Variants in STON2 observed in about 807,000 individuals in gnomAD.
STON2 encodes stonin 2.
A neutral mutation model predicts 65.7 loss-of-function variants in STON2; 29 were observed. That is an observed-to-expected ratio of 0.44 (90% CI 0.33 to 0.60). STON2 has a LOEUF of 0.60. Among genes scored for constraint, STON2 ranks in the 20% least tolerant of loss-of-function variants. The pLI, the probability that STON2 is intolerant of heterozygous loss-of-function variation, is 0.03. For missense variants in STON2, 1,054 were observed against 1,118.1 expected, an observed-to-expected ratio of 0.94 and a Z score of 0.82; for synonymous variants, 404 against 414.2, an observed-to-expected ratio of 0.98 and a Z score of 0.30.
intron 2 of STON2, among the ~76,000 whole-genome samples, chr14:81,419,506 T>G (rs938892932): frequency 6.6e-6 from 1 of 152,192 alleles, no homozygotes; most frequent in African/African-American, 2.4e-5. Flanking sequence ...GTTCACAGGT[T>G]CTAAATGATG....
At chr14:81,364,387 C>T (rs889598611) in intron 4 of STON2, among the ~76,000 whole-genome samples, 7 of 152,100 alleles carry the variant, frequency 4.6e-5, no homozygotes, top group African/African-American at 1.7e-4. Flanking sequence ...CAAAGTAAGG[C>T]TAACTTTATA....
chr14:81,348,802 G>A (rs1043619390), intron 4 of STON2, among the ~76,000 whole-genome samples: 1 of 152,060 alleles, frequency 6.6e-6, no homozygotes, highest in Non-Finnish European at 1.5e-5. Context: ...GTGATACTGA[G>A]CAAAAAGAAC....
chr14:81,426,170 A>T (rs1225694342), intron 2 of STON2, among the ~76,000 whole-genome samples: 1 of 152,258 alleles, frequency 6.6e-6, no homozygotes, highest in East Asian at 1.9e-4. Flanking sequence ...GAGACTAAGT[A>T]ACTTGCCCAA....
rs549369998 is a variant in STON2, at chr14:81,264,823, G to A, written c.*3591C>T. The A allele has an allele frequency of 2.9e-5, 29 of 985,394 alleles. No individual in the cohort carries two copies. The highest frequency in any genetic ancestry group is 1.1e-4 in the East Asian group (1 of 8,814). 61.0% of individuals were successfully genotyped at this position (985,394 alleles called of 1,614,324 possible). ...ATAAGGAATAACTAGTACTATGTCTGCAAGAGCAGGCAAGGGGGATCATCT... is the reference window on the plus strand; with the variant it reads ...ATAAGGAATAACTAGTACTATGTCTACAAGAGCAGGCAAGGGGGATCATCT... On this transcript the variant is annotated 3_prime_UTR_variant, in exon 8 of 8. Transcript: ENST00000614646.
At chr14:81,311,608 G>A (rs924145931) in intron 5 of STON2, among the ~76,000 whole-genome samples, 5 of 152,190 alleles carry the variant, frequency 3.3e-5, no homozygotes, top group African/African-American at 4.8e-5. Context: ...AGGCACAAGG[G>A]TTAAATAACA....
rs1274840420 is a variant in STON2 at position 81,413,031 on chromosome 14, C to T, written c.-199+14071G>A. 10 of 1,000,382 alleles carry T rather than the reference C, an allele frequency of 1.0e-5. 2 individuals are homozygous for T. The highest frequency in any genetic ancestry group is 7.7e-5 in the African/African-American group (4 of 52,142). 62.0% of individuals were successfully genotyped at this position (1,000,382 alleles called of 1,614,324 possible). ...ATGTCGGAAGAGACGCAGCAGAACT[C>T]GGTGGAGTGCGCTCCTCAGGCGCTG... On this transcript the variant is annotated intron_variant, in intron 2 of 8. Transcript: ENST00000553821.
rs188354187 is a variant in STON2, at chr14:81,349,418, T to C, written c.571+21570A>G. Among the ~76,000 whole-genome samples the C allele has an allele frequency of 4.0e-3, 613 of 152,108 alleles. 4 individuals carry two copies. Among genetic ancestry groups the C allele is most frequent in the South Asian group, 7.5e-3 (36 of 4,824 alleles). On this transcript the variant is annotated intron_variant, in intron 4 of 7. Coordinates refer to ENST00000614646, the MANE Select transcript of STON2 (RefSeq NM_001394390.1). The stretch of plus-strand genomic sequence containing the variant: ...GAAAACCAAATTTCCCATTAAAAAG[T>C]GGGCAAAGGATCAAACAGACACTTG...
intron 1 of STON2, among the ~76,000 whole-genome samples, chr14:81,431,674 A>G (rs578116470): frequency 6.6e-6 from 1 of 152,052 alleles, no homozygotes; most frequent in South Asian, 2.1e-4. Context: ...GCTACTAGGG[A>G]GGCTGAGGCA....
intron 7 of STON2, chr14:81,269,876 T>TA (rs1347890573): frequency 2.0e-6 from 2 of 985,292 alleles, no homozygotes; most frequent in African/African-American, 3.5e-5. Flanking sequence ...CTGACCCTGT[T>TA]ACTATTATAA....
intron 4 of STON2, among the ~76,000 whole-genome samples, chr14:81,370,262 T>C (rs1277011094): frequency 2.0e-5 from 3 of 152,192 alleles, no homozygotes; most frequent in Admixed American, 2.0e-4. Flanking sequence ...ACTTCATCAC[T>C]TTCAGAAGAA....
intron 2 of STON2, among the ~76,000 whole-genome samples, chr14:81,424,475 A>C (rs1233894410): frequency 7.0e-6 from 1 of 142,356 alleles, no homozygotes; most frequent in Non-Finnish European, 1.5e-5. Flanking sequence ...TTCTGTTTTT[A>C]TTATAAACAG....
intron 4 of STON2, among the ~76,000 whole-genome samples, chr14:81,352,430 G>A (rs187418567): frequency 5.3e-5 from 8 of 152,288 alleles, no homozygotes; most frequent in African/African-American, 1.9e-4. Flanking sequence ...CAATAAAGAT[G>A]TAAATCATCC....
At chr14:81,304,827 T>A (rs780948500) in intron 5 of STON2, among the ~76,000 whole-genome samples, 2 of 152,306 alleles carry the variant, frequency 1.3e-5, no homozygotes, top group Middle Eastern at 3.4e-3. Flanking sequence ...GCAAACTTTT[T>A]AAAAAGTATA....
chr14:81,434,614 G>C (rs1191124438), intron 1 of STON2, among the ~76,000 whole-genome samples: 4 of 152,108 alleles, frequency 2.6e-5, no homozygotes, highest in African/African-American at 9.7e-5. Flanking sequence ...TGGGGGATAG[G>C]GGGTAGTATG....
At chr14:81,418,499 T>A (rs2139886702) in intron 2 of STON2, among the ~76,000 whole-genome samples, 1 of 152,112 alleles carries the variant, frequency 6.6e-6, no homozygotes, top group Admixed American at 6.5e-5. Context: ...TTGCAAGGAG[T>A]TAATAATAAA....
chr14:81,278,138 A>T lies in STON2; in HGVS notation c.1344T>A (p.Asp448Glu). The change falls in exon 6 of 8, where the codon GAT (aspartate) becomes GAA (glutamate). Residue 448 changes from aspartate (D) to glutamate (E), a missense_variant. Coordinates refer to ENST00000614646, the MANE Select transcript of STON2 (RefSeq NM_001394390.1). ...AVEKLKQLQI[D>E]DPDHFGSATL... The stretch of plus-strand genomic sequence containing the variant: ...TTGCACTGCCAAAGTGATCAGGGTC[A>T]TCAATTTGGAGTTGTTTGAGTTTTT... 5 of 1,614,216 alleles carry T rather than the reference A, an allele frequency of 3.1e-6. No homozygotes were observed. Among genetic ancestry groups the T allele is most frequent in the Non-Finnish European group, 4.2e-6 (5 of 1,180,040 alleles).
intron 5 of STON2, among the ~76,000 whole-genome samples, chr14:81,282,068 T>C (rs1044224874): frequency 6.6e-6 from 1 of 152,196 alleles, no homozygotes; most frequent in African/African-American, 2.4e-5. Context: ...TTGTAAGAAA[T>C]AAATTCTAAG....
chr14:81,330,435 CTT>C (rs144222612), intron 4 of STON2, among the ~76,000 whole-genome samples: 1 of 145,340 alleles, frequency 6.9e-6, no homozygotes, highest in Non-Finnish European at 1.5e-5. Context: ...GAGATGGTGT[CTT>C]TTTTTTTTTC....
At chr14:81,312,671 C>A (rs1171128637) in intron 5 of STON2, among the ~76,000 whole-genome samples, 1 of 152,222 alleles carries the variant, frequency 6.6e-6, no homozygotes, top group Admixed American at 6.5e-5. Flanking sequence ...TGCTTAAAAT[C>A]AAATTGCCCT....
Sources: gnomAD v4.1 joint callset for allele counts (sites outside exome capture counted in the v4.1 genomes callset) on GRCh38, gnomAD v4.1.1 for gene constraint, MANE v1.5 for transcripts, NCBI Gene and HGNC (gene_info 2026-07-23, HGNC 2026-07-21) for gene names.